The following DECR1 variants were observed in gnomAD, a reference collection of about 807,000 sequenced individuals.
DECR1 encodes the protein 2,4-dienoyl-CoA reductase [(3E)-enoyl-CoA-producing], mitochondrial.
DECR1 carries 44 observed loss-of-function variants against 38.8 expected under a neutral mutation model. That is an observed-to-expected ratio of 1.13 (90% CI 0.89 to 1.46). The LOEUF (loss-of-function observed/expected upper bound fraction) is 1.46, where lower values mean the gene tolerates loss of function less well. DECR1 is among the 40% of genes most tolerant of loss of function. DECR1 has a pLI of 0.00. For synonymous variants in DECR1, 148 were observed against 135.2 expected (o/e 1.09, Z -0.66); for missense variants, 428 against 405.5 (o/e 1.06, Z -0.48).
At chr8:90,018,854 C>A in intron 2 of DECR1, 55 bp from the exon 3 acceptor site, 1 of 1,282,836 alleles carries the variant, frequency 7.8e-7, no homozygotes, top group South Asian at 1.3e-5. Flanking sequence ...CTGTATTCTT[C>A]AATTTATGAA....
rs757788865 is a variant in DECR1 at position 90,051,722 on chromosome 8, T to C, written c.931T>C (p.Phe311Leu). The C allele has an allele frequency of 6.2e-6, 10 of 1,613,176 alleles. No homozygotes were observed. ...AGAGGAAGTACTTATTTCAGGGGAA[T>C]TCAACGACCTGAGAAAGGTAATGCT... ...GGEEVLISGE[F>L]NDLRKVTKEQ... Residue 311 changes from phenylalanine to leucine, a missense_variant, in exon 9 of 10, where the codon TTC becomes CTC. Phe to Leu is a conservative substitution (Grantham distance 22, BLOSUM62 0). Transcript: ENST00000220764.
chr8:90,025,102 C>A (rs1813295418), intron 5 of DECR1, among the ~76,000 whole-genome samples: 1 of 152,130 alleles, frequency 6.6e-6, no homozygotes, highest in Non-Finnish European at 1.5e-5. Flanking sequence ...GGTACCAGTA[C>A]CATGCTGTTT....
chr8:90,033,840 C>T (rs1263922989), intron 5 of DECR1, among the ~76,000 whole-genome samples: 2 of 152,172 alleles, frequency 1.3e-5, no homozygotes, highest in Non-Finnish European at 2.9e-5. Flanking sequence ...AAAGATAGTG[C>T]ACTTTCCATT....
In DECR1 at chr8:90,051,924, C is replaced by T; in HGVS notation, c.*27C>T. 6.3e-7 allele frequency: 1 copy of T among 1,595,234 alleles called. No individual in the cohort carries two copies. The highest frequency in any genetic ancestry group is 8.6e-7 in the Non-Finnish European group (1 of 1,164,482). On this transcript the variant is annotated 3_prime_UTR_variant, in exon 10 of 10. Coordinates refer to ENST00000220764, the MANE Select transcript of DECR1 (RefSeq NM_001359.2). The stretch of plus-strand genomic sequence containing the variant: ...ACCACTTTGGCCTTCATCTTGGTTA[C>T]AGAAAAGGGAATAGAAATGAAACAA...
chr8:90,031,244 T>C (rs1813486216), intron 5 of DECR1, among the ~76,000 whole-genome samples: 2 of 152,128 alleles, frequency 1.3e-5, no homozygotes, highest in Non-Finnish European at 2.9e-5. Flanking sequence ...TTATAAGAGC[T>C]AGTGTCTATA....
intron 6 of DECR1, among the ~76,000 whole-genome samples, chr8:90,038,504 G>A (rs1314680949): frequency 1.4e-5 from 2 of 146,142 alleles, no homozygotes; most frequent in East Asian, 2.0e-4. Flanking sequence ...TGTTGCCCAG[G>A]CTGGAGTGCA....
intron 1 of DECR1, chr8:90,002,976 C>T (rs1812652704): frequency 1.3e-5 from 2 of 152,252 alleles, no homozygotes; most frequent in South Asian, 2.1e-4. Flanking sequence ...TCTTCTGACA[C>T]CATTAGACAA....
In DECR1 at chr8:90,017,126, T is replaced by C. The variant is rs1295715597; in HGVS notation, c.72T>C (p.Phe24=). ...RLPCGLAPRR[F]FSYGTKILYQ... The stretch of plus-strand genomic sequence containing the variant: ...TTAAATTCATTTTCCCCTTTTAGTT[T>C]TTCAGTTATGGGACAAAAATATTAT... The change falls in exon 2 of 10, where the codon TTT becomes TTC. Residue 24 remains phenylalanine (F), a splice_region_variant and synonymous_variant. Transcript: ENST00000220764. 6.2e-7 allele frequency: 1 copy of C among 1,608,350 alleles called. No individual in the cohort carries two copies. Among genetic ancestry groups the C allele is most frequent in the Non-Finnish European group, 8.5e-7 (1 of 1,176,870 alleles).
intron 1 of DECR1, among the ~76,000 whole-genome samples, chr8:90,011,206 A>G (rs1812874306): frequency 6.6e-6 from 1 of 152,206 alleles, no homozygotes; most frequent in Non-Finnish European, 1.5e-5. Flanking sequence ...TTGGTATCCA[A>G]CAAATACTTA....
intron 1 of DECR1, chr8:90,006,113 CA>C: frequency 1.5e-6 from 1 of 673,046 alleles, no homozygotes; most frequent in Non-Finnish European, 2.7e-6. Flanking sequence ...CCACCTCCAA[CA>C]TTGGGGATCA....
At chr8:90,046,092 C>T (rs901735870) in intron 8 of DECR1, among the ~76,000 whole-genome samples, 1 of 152,186 alleles carries the variant, frequency 6.6e-6, no homozygotes, top group African/African-American at 2.4e-5. Flanking sequence ...GAAACCAGAG[C>T]AGAAAAGCTG....
At chr8:90,007,318 G>A (rs951837150) in intron 1 of DECR1, among the ~76,000 whole-genome samples, 1 of 152,136 alleles carries the variant, frequency 6.6e-6, no homozygotes, top group African/African-American at 2.4e-5. Flanking sequence ...GGAGCCCTTA[G>A]AAGATCTTAA....
Position 90,016,936 on chromosome 8 carries a change from C to T in DECR1, c.70-188C>T, listed in dbSNP as rs140137592. 9.1e-4 allele frequency: 489 copies of T among 538,420 alleles called. 5 individuals carry two copies. Among genetic ancestry groups the T allele is most frequent in the African/African-American group, 7.0e-3 (370 of 52,620 alleles). The allele number at this position is 538,420 out of a possible 1,614,324, so 33.4% of individuals were successfully genotyped here. A position where few individuals can be genotyped will look rare whatever the true frequency, so the allele number is the denominator to read the frequency against. On this transcript the variant is annotated intron_variant, in intron 1 of 9. Transcript: ENST00000220764. ...GAAAATTCTGTGCTATGTAGTCCAGCTCCAGAGCCTGTGCTTTTTAAATCA... is the reference window on the plus strand; with the variant it reads ...GAAAATTCTGTGCTATGTAGTCCAGTTCCAGAGCCTGTGCTTTTTAAATCA...
At chr8:90,019,043 T>C in intron 3 of DECR1, 43 bp from the exon 4 acceptor site, 1 of 1,605,210 alleles carries the variant, frequency 6.2e-7, no homozygotes, top group Non-Finnish European at 8.5e-7. Context: ...GCGTTTGGTT[T>C]AAGAAAGCTG....
chr8:90,017,933 C>T (rs1813050438), intron 2 of DECR1, among the ~76,000 whole-genome samples: 1 of 152,220 alleles, frequency 6.6e-6, no homozygotes, highest in Non-Finnish European at 1.5e-5. Context: ...GTCGCCCAGG[C>T]TGGAGTGCAG....
At chr8:90,009,768 G>C (rs1812838058) in intron 1 of DECR1, among the ~76,000 whole-genome samples, 1 of 152,168 alleles carries the variant, frequency 6.6e-6, no homozygotes, top group Non-Finnish European at 1.5e-5. Flanking sequence ...ACTCAAATCA[G>C]AGGCAGGCAG....
In DECR1 at chr8:90,018,204, A is replaced by G. The variant is rs568921693; in HGVS notation, c.273-705A>G. On this transcript the variant is annotated intron_variant, in intron 2 of 9. Coordinates refer to ENST00000220764, the MANE Select transcript of DECR1 (RefSeq NM_001359.2). ...CGCCCAGCCAGTACTTTCATTTTCT[A>G]TAAAATAAACAGGTATTTCAAAATA... Among the ~76,000 whole-genome samples, 4 of 152,346 alleles carry G rather than the reference A, an allele frequency of 2.6e-5. No individual in the cohort carries two copies. In the South Asian group the frequency reaches 8.3e-4, roughly 32 times the overall value.
At chr8:90,025,297 A>G (rs1451642878) in intron 5 of DECR1, among the ~76,000 whole-genome samples, 3 of 152,122 alleles carry the variant, frequency 2.0e-5, no homozygotes, top group African/African-American at 4.8e-5. Flanking sequence ...CATTGAATCT[A>G]TAAATTACCT....
At chr8:90,013,399 G>GTTT (rs57505716) in intron 1 of DECR1, among the ~76,000 whole-genome samples, 42 of 77,974 alleles carry the variant, frequency 5.4e-4, no homozygotes, top group African/African-American at 1.2e-3. Flanking sequence ...CTCTTCTTTC[G>GTTT]TTTTTTTTTT....
Sources: gnomAD v4.1 joint callset for allele counts (sites outside exome capture counted in the v4.1 genomes callset) on GRCh38, gnomAD v4.1.1 for gene constraint, MANE v1.5 for transcripts, NCBI Gene and HGNC (gene_info 2026-07-23, HGNC 2026-07-21) for gene names.